The following CEP290 variants were observed in gnomAD, a reference collection of about 807,000 sequenced individuals.
The protein encoded by CEP290 is centrosomal protein 290, also known as centrosomal protein of 290 kDa.
Under a neutral mutation model 344.9 loss-of-function variants are expected in CEP290, and 317 were observed. That is an observed-to-expected ratio of 0.92 (90% CI 0.84 to 1.01). The LOEUF is 1.01. Ranked by LOEUF, CEP290 falls within the 50% of genes least tolerant of loss-of-function variation. CEP290 has a pLI of 0.00. For synonymous variants in CEP290, 932 were observed against 895.8 expected (o/e 1.04, Z -0.72); for missense variants, 2,754 against 2,761.4 (o/e 1.00, Z 0.06).
At chr12:88,120,021 C>A in intron 15 of CEP290, 93 bp downstream of exon 15, 7 of 705,880 alleles carry the variant, frequency 9.9e-6, no homozygotes, top group East Asian at 7.2e-5. Flanking sequence ...AAGCATTAAA[C>A]TACTTAATAA....
chr12:88,119,691 C>G (rs1220939181), intron 15 of CEP290, among the ~76,000 whole-genome samples: 1 of 152,052 alleles, frequency 6.6e-6, no homozygotes, highest in Non-Finnish European at 1.5e-5. Context: ...CCCAGCTACT[C>G]AGGAGGCAGA....
At chr12:88,140,421 A>G (rs2040580757) in intron 3 of CEP290, among the ~76,000 whole-genome samples, 1 of 152,172 alleles carries the variant, frequency 6.6e-6, no homozygotes, top group Non-Finnish European at 1.5e-5. Flanking sequence ...AACCTATCTC[A>G]AAGTACTTAC....
chr12:88,095,280 G>A (rs1316627367), intron 27 of CEP290, among the ~76,000 whole-genome samples: 1 of 152,006 alleles, frequency 6.6e-6, no homozygotes, highest in Non-Finnish European at 1.5e-5. Context: ...TAAAGAGAGG[G>A]TAGAGCACAA....
intron 51 of CEP290, among the ~76,000 whole-genome samples, chr12:88,054,068 G>C (rs7980746): frequency 6.6e-6 from 1 of 152,016 alleles, no homozygotes; most frequent in Non-Finnish European, 1.5e-5. Flanking sequence ...TTTTCCTCTG[G>C]GAAGCTAAGG....
In CEP290 at chr12:88,121,006, A is replaced by G. The variant is rs780550670; in HGVS notation, c.1350T>C (p.Asp450=). The G allele has an allele frequency of 1.2e-6, 2 of 1,610,250 alleles. No individual in the cohort carries two copies. The highest frequency in any genetic ancestry group is 1.7e-6 in the Non-Finnish European group (2 of 1,179,012). The change falls in exon 14 of 54, where the codon GAT becomes GAC. Residue 450 remains aspartate (D), a synonymous_variant. Transcript: ENST00000552810. Reference sequence around the variant, plus strand: ...AGATAAAAATACATACCGATTCATAATCTTTTAACCTCTTCAGAGCCTCAA... The same window carrying G: ...AGATAAAAATACATACCGATTCATAGTCTTTTAACCTCTTCAGAGCCTCAA... ...ELVEALKRLK[D]YESGVYGLED...
chr12:88,103,234 T>TA, intron 25 of CEP290: 1 of 290,998 alleles, frequency 3.4e-6, no homozygotes, highest in Non-Finnish European at 6.2e-6. Context: ...AATACTTTAA[T>TA]AACTCCTGTC....
intron 44 of CEP290, among the ~76,000 whole-genome samples, chr12:88,065,879 C>T (rs1000938547): frequency 2.6e-5 from 4 of 152,118 alleles, no homozygotes; most frequent in African/African-American, 7.2e-5. Context: ...AAAACAAATT[C>T]TAATGTAATG....
rs200178519 is a variant in CEP290, at chr12:88,049,348, C to T, written c.7276G>A (p.Asp2426Asn). ...TCTTCCTTGTAATTATACTTAAGAT[C>T]TTCAATTTCTTCAAAAAATGAAGGA... is the stretch of plus-strand genomic sequence containing the variant. Reference protein sequence around the residue: ...FDPSFFEEIEDLKYNYKEEVK... With the variant: ...FDPSFFEEIENLKYNYKEEVK... Residue 2426 changes from aspartate (D) to asparagine (N), a missense_variant, in exon 54 of 54, where the codon GAT becomes AAT. Transcript: ENST00000552810. The T allele has an allele frequency of 1.4e-4, 222 of 1,572,888 alleles. No homozygotes were observed. The highest frequency in any genetic ancestry group is 2.3e-4 in the Admixed American group (13 of 56,658).
At chr12:88,120,914 G>T in intron 14 of CEP290, 83 bp downstream of exon 14, 1 of 1,083,048 alleles carries the variant, frequency 9.2e-7, no homozygotes, top group Non-Finnish European at 1.3e-6. Flanking sequence ...TTTTTTAAAT[G>T]GTATGCAGTA....
rs2039653911 is a variant in CEP290, at chr12:88,125,171, A to G, written c.1189+75T>C. 10 of 481,204 alleles carry G rather than the reference A, an allele frequency of 2.1e-5. 1 individual carries two copies. The highest frequency in any genetic ancestry group is 2.6e-5 in the Non-Finnish European group (8 of 304,748). 29.8% of individuals were successfully genotyped at this position (481,204 alleles called of 1,614,324 possible). A position where few individuals can be genotyped will look rare whatever the true frequency, so the allele number is the denominator to read the frequency against. On this transcript the variant is annotated intron_variant, in intron 13 of 53. Transcript: ENST00000552810. ...ATGGAGAAAACTCAATATTGACTTG[A>G]CATTTTATTTTAATAAAAATAAAGT...
chr12:88,138,442 T>C (rs1194860407), intron 5 of CEP290, among the ~76,000 whole-genome samples: 2 of 152,130 alleles, frequency 1.3e-5, no homozygotes, highest in Non-Finnish European at 2.9e-5. Context: ...GTTCAGAGAG[T>C]TAACGAGTAG....
chr12:88,085,329 A>G (rs568883501), intron 34 of CEP290, among the ~76,000 whole-genome samples: 1 of 152,128 alleles, frequency 6.6e-6, no homozygotes. Context: ...AGAAAAAAAC[A>G]GAAAAATTTT....
At chr12:88,061,584 A>C (rs2034484014) in intron 46 of CEP290, among the ~76,000 whole-genome samples, 2 of 152,160 alleles carry the variant, frequency 1.3e-5, no homozygotes, top group South Asian at 4.1e-4. Flanking sequence ...CAGTTTAGCC[A>C]AACAGTATGC....
Position 88,106,796 on chromosome 12 carries a change from T to C in CEP290, c.2696A>G (p.Gln899Arg). The C allele has an allele frequency of 6.2e-7, 1 of 1,609,706 alleles. No homozygotes were observed. The highest frequency in any genetic ancestry group is 8.5e-7 in the Non-Finnish European group (1 of 1,177,490). ...LQVNEKSLIR[Q>R]YTTLVELERQ... is the part of the protein sequence containing the mutation. Reference sequence around the variant, plus strand: ...CTCCAATTCTACTAAGGTTGTATATTGCCTTATAAGTGATTTTTCATTCAC... The same window carrying C: ...CTCCAATTCTACTAAGGTTGTATATCGCCTTATAAGTGATTTTTCATTCAC... Residue 899 changes from glutamine to arginine, a missense_variant, in exon 25 of 54, where the codon CAA becomes CGA. Transcript: ENST00000552810.
At chr12:88,073,888 T>G (rs555376054) in intron 41 of CEP290, among the ~76,000 whole-genome samples, 126 of 152,308 alleles carry the variant, frequency 8.3e-4, no homozygotes, top group South Asian at 3.7e-3. Flanking sequence ...ACTAGTCAAT[T>G]TTTTACCTTA....
At chr12:88,055,152 C>CT (rs2033894469) in intron 50 of CEP290, among the ~76,000 whole-genome samples, 1 of 152,024 alleles carries the variant, frequency 6.6e-6, no homozygotes, top group African/African-American at 2.4e-5. Context: ...TTGTGATGTG[C>CT]TTTATGTTTT....
At position 88,129,831 on chromosome 12, in the gene CEP290, T is replaced by C. The variant is rs2039959473; in HGVS notation, c.715A>G (p.Met239Val). Residue 239 changes from methionine (M) to valine (V), a missense_variant, in exon 10 of 54, where the codon ATG (methionine) becomes GTG (valine). Coordinates refer to ENST00000552810, the MANE Select transcript of CEP290 (RefSeq NM_025114.4). ...NEKIEVQNQEMRKNLEESVQE... is the reference protein window; with the variant it reads ...NEKIEVQNQEVRKNLEESVQE... ...ACAGACTCTTCTAAATTTTTTCTCA[T>C]TTCTTGATTCTGAACTTCAATTTTC... 6.8e-7 allele frequency: 1 copy of C among 1,466,262 alleles called. No homozygotes were observed. 90.8% of individuals were successfully genotyped at this position (1,466,262 alleles called of 1,614,324 possible). A position where few individuals can be genotyped will look rare whatever the true frequency, so the allele number is the denominator to read the frequency against.
intron 15 of CEP290, 63 bp from the exon 16 acceptor site, chr12:88,118,806 T>C (rs971638023): frequency 1.7e-5 from 20 of 1,143,314 alleles, no homozygotes; most frequent in Non-Finnish European, 2.4e-5. Flanking sequence ...AAAAATGTCA[T>C]ATACCATCAA....
chr12:88,103,577 G>A (rs1218431844), intron 25 of CEP290: 2 of 152,096 alleles, frequency 1.3e-5, no homozygotes, highest in South Asian at 2.1e-4. Context: ...ATCAACTATA[G>A]AACTATTCAA....
Sources: gnomAD v4.1 joint callset for allele counts (sites outside exome capture counted in the v4.1 genomes callset) on GRCh38, gnomAD v4.1.1 for gene constraint, MANE v1.5 for transcripts, NCBI Gene and HGNC (gene_info 2026-07-23, HGNC 2026-07-21) for gene names.